PRDM16: variants seen among roughly 807,000 people sequenced by gnomAD.
PRDM16 encodes the protein PR/SET domain 16.
A neutral mutation model predicts 110.6 loss-of-function variants in PRDM16; 23 were observed. That is an observed-to-expected ratio of 0.21 (90% CI 0.15 to 0.29). The LOEUF (loss-of-function observed/expected upper bound fraction) is 0.29, where lower values mean the gene tolerates loss of function less well. PRDM16 is among the 10% of genes least tolerant of loss of function. The pLI, the probability that PRDM16 is intolerant of heterozygous loss-of-function variation, is 1.00. For missense variants in PRDM16, 1,615 were observed against 1,794.3 expected (o/e 0.90, Z 1.81); for synonymous variants, 799 against 781.8 (o/e 1.02, Z -0.37).
intron 3 of PRDM16, among the ~76,000 whole-genome samples, chr1:3,254,752 A>G (rs1357555658): frequency 5.1e-4 from 78 of 152,190 alleles, no homozygotes; most frequent in African/African-American, 1.8e-3. Flanking sequence ...TATAGATTCA[A>G]TGCCATCCCC....
At chr1:3,261,810 C>G (rs769419382) in intron 3 of PRDM16, among the ~76,000 whole-genome samples, 6 of 152,204 alleles carry the variant, frequency 3.9e-5, no homozygotes, top group Non-Finnish European at 8.8e-5. Flanking sequence ...ATCCTGGCTC[C>G]GTTCAGAAAC....
chr1:3,285,597 C>T (rs953146703), intron 3 of PRDM16, among the ~76,000 whole-genome samples: 9 of 152,214 alleles, frequency 5.9e-5, no homozygotes, highest in African/African-American at 9.6e-5. Context: ...CGCTCACACC[C>T]GCGACATCCA....
chr1:3,408,703 G>GGC, intron 8 of PRDM16, among the ~76,000 whole-genome samples: 1 of 132,456 alleles, frequency 7.5e-6, no homozygotes, highest in African/African-American at 3.3e-5. Context: ...TGCATGTGTT[G>GGC]GCGTGCATGA....
chr1:3,173,451 A>G (rs1644051145), intron 1 of PRDM16, among the ~76,000 whole-genome samples: 1 of 152,238 alleles, frequency 6.6e-6, no homozygotes. Context: ...AGAATAATGC[A>G]TCGGCTTTAG....
At chr1:3,352,759 C>T (rs968736035) in intron 3 of PRDM16, among the ~76,000 whole-genome samples, 1 of 152,186 alleles carries the variant, frequency 6.6e-6, no homozygotes, top group Non-Finnish European at 1.5e-5. Context: ...TGCGATTGGC[C>T]GCATATTGAA....
rs1233476532 is a variant in PRDM16 at position 3,201,560 on chromosome 1, C to CA, written c.387+15087dup. 6.6e-6 allele frequency among the ~76,000 whole-genome samples: 1 copy of CA among 152,212 alleles called. No individual in the cohort carries two copies. The highest frequency in any genetic ancestry group is 1.5e-5 in the Non-Finnish European group (1 of 68,040). Reference sequence around the variant, plus strand: ...TCAGCTGTGGGGAGGACAGGAGGGCCACCCGGGGCAGCTGCCCTCTGAGGG... The same window carrying CA: ...TCAGCTGTGGGGAGGACAGGAGGGCCAACCCGGGGCAGCTGCCCTCTGAGGG... On this transcript the variant is annotated intron_variant, in intron 2 of 16. Coordinates refer to ENST00000270722, the MANE Select transcript of PRDM16 (RefSeq NM_022114.4). This position sits in a 1 kb window ranked among gnomAD's most constrained non-coding sequence, Gnocchi z 4.1.
At chr1:3,400,846 A>G (rs56155111) in intron 5 of PRDM16, among the ~76,000 whole-genome samples, 17,100 of 152,036 alleles carry the variant, frequency 0.11, 1,017 homozygotes, top group Non-Finnish European at 0.14. Flanking sequence ...CTCACCCCCA[A>G]TGCACACACC....
In PRDM16 at chr1:3,411,681, C is replaced by T. The variant is rs779190595; in HGVS notation, c.1484C>T (p.Pro495Leu). ...GAGTACTTTCCCTCCAGGCCGCACC[C>T]GGGGAGCCTGCCCTTCTCCACGGCG... ...FNEYFPSRPH[P>L]GSLPFSTAPP... The change falls in exon 9 of 17, where the codon CCG (proline) becomes CTG (leucine). Residue 495 changes from proline (P) to leucine (L), a missense_variant. By Grantham distance (98) the Pro-to-Leu change is moderately conservative (BLOSUM62 -3). Around this residue, in one of 5 missense-constraint regions of PRDM16, gnomAD observed 772 missense variants for 748.3 expected, o/e 1.03. Coordinates refer to ENST00000270722, the MANE Select transcript of PRDM16 (RefSeq NM_022114.4). 2.3e-5 allele frequency: 37 copies of T among 1,611,190 alleles called. No homozygotes were observed. The highest frequency in any genetic ancestry group is 3.3e-4 in the Middle Eastern group (2 of 6,044).
At chr1:3,194,694 TC>T (rs1638417087) in intron 2 of PRDM16, among the ~76,000 whole-genome samples, 5 of 77,058 alleles carry the variant, frequency 6.5e-5, no homozygotes, top group African/African-American at 2.0e-4. Context: ...CCACACGCCA[TC>T]GTCTCCCCGC....
At chr1:3,189,202 C>T (rs75872291) in intron 2 of PRDM16, among the ~76,000 whole-genome samples, 1,838 of 152,318 alleles carry the variant, frequency 0.012, 64 homozygotes, top group East Asian at 0.099. Flanking sequence ...TAGTTCCAGA[C>T]ACGAGAAGGA....
chr1:3,124,688 G>A (rs1643167259), intron 1 of PRDM16, among the ~76,000 whole-genome samples: 2 of 152,240 alleles, frequency 1.3e-5, no homozygotes, highest in East Asian at 1.9e-4. Context: ...GGGGTCAGGT[G>A]TATCTGGGCT....
chr1:3,105,815 C>G (rs930288206), intron 1 of PRDM16, among the ~76,000 whole-genome samples: 7 of 152,354 alleles, frequency 4.6e-5, no homozygotes, highest in African/African-American at 1.7e-4. Flanking sequence ...GCCCCTTCCC[C>G]CTGCGGCGCC....
chr1:3,351,859 C>T (rs896697174), intron 3 of PRDM16, among the ~76,000 whole-genome samples: 2 of 150,182 alleles, frequency 1.3e-5, no homozygotes, highest in Non-Finnish European at 3.0e-5. Flanking sequence ...CTTGAGAACT[C>T]ACACACTCAC....
At position 3,404,878 on chromosome 1, in the gene PRDM16, T is replaced by C; in HGVS notation, c.1024T>C (p.Cys342Arg). ...DSGKRFECEN[C>R]VKVFTDPSNL... ...CGGCAAACGCTTCGAATGTGAAAAC[T>C]GCGTGAAGGTAACCTGCGGGGCGGC... The change falls in exon 7 of 17, where the codon TGC (cysteine) becomes CGC (arginine). Residue 342 changes from cysteine to arginine, a missense_variant. Cys to Arg is a radical substitution (Grantham distance 180). Coordinates refer to ENST00000270722, the MANE Select transcript of PRDM16 (RefSeq NM_022114.4). 1 of 1,612,946 alleles carries C rather than the reference T, an allele frequency of 6.2e-7. No individual in the cohort carries two copies.
intron 3 of PRDM16, among the ~76,000 whole-genome samples, chr1:3,348,818 A>T (rs1642417828): frequency 6.6e-6 from 1 of 152,210 alleles, no homozygotes; most frequent in Non-Finnish European, 1.5e-5. Context: ...TCTCCCAAAG[A>T]GCTCAGAGCT....
intron 1 of PRDM16, among the ~76,000 whole-genome samples, chr1:3,121,877 C>A (rs559487539): frequency 6.6e-6 from 1 of 152,160 alleles, no homozygotes; most frequent in Non-Finnish European, 1.5e-5. Context: ...GCTGCAGCCC[C>A]GTCAGTACCC....
At position 3,438,183 on chromosome 1, in the gene PRDM16, G is replaced by T. The variant is rs1275062310; in HGVS notation, c.*4372G>T. ...CTTGATTGTAAATTGCTTCTGTTCT[G>T]TTTATAAGTAAACTGTGCATGACTC... On this transcript the variant is annotated 3_prime_UTR_variant, in exon 17 of 17. Coordinates refer to ENST00000270722, the MANE Select transcript of PRDM16 (RefSeq NM_022114.4). 1 of 204,614 alleles carries T rather than the reference G, an allele frequency of 4.9e-6. No homozygotes were observed. Among genetic ancestry groups the T allele is most frequent in the African/African-American group, 2.3e-5 (1 of 43,682 alleles). The allele number at this position is 204,614 out of a possible 1,614,324, so 12.7% of individuals were successfully genotyped here. A position where few individuals can be genotyped will look rare whatever the true frequency, so the allele number is the denominator to read the frequency against.
chr1:3,283,173 C>T (rs1316647243), intron 3 of PRDM16, among the ~76,000 whole-genome samples: 1 of 152,142 alleles, frequency 6.6e-6, no homozygotes, highest in African/African-American at 2.4e-5. Flanking sequence ...CCAGCCAGCC[C>T]CTCGTCACCT....
chr1:3,219,162 C>T (rs560810728), intron 2 of PRDM16, among the ~76,000 whole-genome samples: 10 of 152,336 alleles, frequency 6.6e-5, no homozygotes, highest in East Asian at 1.9e-4. Context: ...GCACAGAAAC[C>T]GAAAACCGCA....
Sources: allele counts gnomAD v4.1 joint callset (sites outside exome capture counted in the v4.1 genomes callset), GRCh38; gene constraint gnomAD v4.1.1; regional missense constraint gnomAD v4.1.1; non-coding constraint Gnocchi (gnomAD v3.1); transcripts MANE v1.5; gene names NCBI Gene and HGNC (gene_info 2026-07-23, HGNC 2026-07-21).